Variants in STX8 observed in about 807,000 individuals in gnomAD.
The protein encoded by STX8 is syntaxin-8.
STX8 carries 23 observed loss-of-function variants against 37.5 expected under a neutral mutation model. The observed-to-expected ratio is 0.61, with a 90% CI of 0.44 to 0.87. The LOEUF (loss-of-function observed/expected upper bound fraction) is 0.87. Ranked by LOEUF, STX8 falls within the 40% of genes least tolerant of loss-of-function variation. The probability of loss-of-function intolerance (pLI) is 0.00; values close to 1 mark genes in which losing one functional copy is unlikely to be tolerated. For synonymous variants in STX8, 115 were observed against 99.1 expected (o/e 1.16, Z -0.95); for missense variants, 313 against 284.7 (o/e 1.10, Z -0.71).
intron 6 of STX8, among the ~76,000 whole-genome samples, chr17:9,484,988 C>T (rs1050008628): frequency 6.6e-6 from 1 of 152,068 alleles, no homozygotes; most frequent in Non-Finnish European, 1.5e-5. Flanking sequence ...TTGGGAGGGC[C>T]ACTTAAAATT....
At chr17:9,421,306 C>T (rs1409324805) in intron 6 of STX8, among the ~76,000 whole-genome samples, 3 of 148,606 alleles carry the variant, frequency 2.0e-5, no homozygotes, top group Non-Finnish European at 3.0e-5. Context: ...GCAGGAGAAT[C>T]GCTTGAACCC....
chr17:9,560,413 A>AAC (rs1907183292), intron 2 of STX8, among the ~76,000 whole-genome samples: 4 of 151,742 alleles, frequency 2.6e-5, no homozygotes, highest in Admixed American at 2.6e-4. Context: ...AAAAAAAAAA[A>AAC]AACGGTAGAA....
intron 4 of STX8, among the ~76,000 whole-genome samples, chr17:9,516,108 AC>A (rs1445614750): frequency 1.3e-5 from 2 of 151,780 alleles, no homozygotes; most frequent in Admixed American, 6.6e-5. Flanking sequence ...TGCATTAGTA[AC>A]CAGCTATGAC....
chr17:9,342,167 G>T (rs928693162), intron 7 of STX8, among the ~76,000 whole-genome samples: 1 of 152,120 alleles, frequency 6.6e-6, no homozygotes, highest in Non-Finnish European at 1.5e-5. Flanking sequence ...TCACAATAGG[G>T]TTTGCGCTCC....
intron 6 of STX8, among the ~76,000 whole-genome samples, chr17:9,414,043 TGCCCGTCCGTCTGTCCATCCATCCATCC>T: frequency 8.6e-6 from 1 of 116,184 alleles, no homozygotes; most frequent in South Asian, 2.8e-4. Context: ...ACCATCTATC[TGCCCGTCCGTCTGTCCATCCATCCATCC>T]ACCCATCTGT....
At chr17:9,480,099 G>A (rs959414054) in intron 6 of STX8, among the ~76,000 whole-genome samples, 2 of 151,936 alleles carry the variant, frequency 1.3e-5, no homozygotes, top group Non-Finnish European at 2.9e-5. Context: ...TTTCACATTC[G>A]AATAGGTCCC....
chr17:9,297,221 T>C (rs954148641), intron 7 of STX8, among the ~76,000 whole-genome samples: 17 of 136,444 alleles, frequency 1.2e-4, no homozygotes, highest in Non-Finnish European at 2.3e-4. Context: ...TACAGTCTGA[T>C]AGCATATGCC....
At chr17:9,272,710 T>C (rs1907513468) in intron 7 of STX8, among the ~76,000 whole-genome samples, 1 of 152,258 alleles carries the variant, frequency 6.6e-6, no homozygotes, top group South Asian at 2.1e-4. Flanking sequence ...TAGTTCCTTA[T>C]GGTCCTTACA....
intron 7 of STX8, among the ~76,000 whole-genome samples, chr17:9,278,586 T>A (rs1406732391): frequency 6.6e-6 from 1 of 152,222 alleles, no homozygotes; most frequent in Non-Finnish European, 1.5e-5. Flanking sequence ...TGCTATTTAT[T>A]GAGACAGAAA....
At chr17:9,441,486 T>TAA (rs71135985) in intron 6 of STX8, among the ~76,000 whole-genome samples, 9 of 132,042 alleles carry the variant, frequency 6.8e-5, no homozygotes, top group African/African-American at 2.3e-4. Context: ...AGACTCCATC[T>TAA]AAAAAAAAAA....
At chr17:9,465,389 G>A (rs2142427936) in intron 6 of STX8, among the ~76,000 whole-genome samples, 1 of 152,274 alleles carries the variant, frequency 6.6e-6, no homozygotes, top group East Asian at 1.9e-4. Flanking sequence ...TGCCTGTGCA[G>A]CTCACAAACA....
chr17:9,343,663 G>C (rs1208557715), intron 7 of STX8, among the ~76,000 whole-genome samples: 3 of 152,134 alleles, frequency 2.0e-5, no homozygotes, highest in Non-Finnish European at 2.9e-5. Flanking sequence ...GATGGGGAAA[G>C]TGAAGAGCAG....
chr17:9,571,140 C>A (rs1219084676), intron 1 of STX8, among the ~76,000 whole-genome samples: 2 of 152,144 alleles, frequency 1.3e-5, no homozygotes, highest in African/African-American at 4.8e-5. Context: ...CAGAGAGTGG[C>A]CCTAAAGAGG....
intron 6 of STX8, among the ~76,000 whole-genome samples, chr17:9,447,399 T>C (rs1904887489): frequency 6.6e-6 from 1 of 152,146 alleles, no homozygotes; most frequent in Non-Finnish European, 1.5e-5. Context: ...GATAAAATCT[T>C]AGGAAGATTT....
At chr17:9,462,209 G>T (rs1905417836) in intron 6 of STX8, among the ~76,000 whole-genome samples, 1 of 152,098 alleles carries the variant, frequency 6.6e-6, no homozygotes, top group African/African-American at 2.4e-5. Context: ...GCACAAATAA[G>T]TCTCTCACTA....
chr17:9,377,903 C>A (rs1161027418), intron 7 of STX8: 1 of 152,334 alleles, frequency 6.6e-6, no homozygotes, highest in Non-Finnish European at 1.5e-5. Flanking sequence ...AGGCACTGTG[C>A]ACCGGCAATA....
At chr17:9,413,793 GC>G (rs777781908) in intron 6 of STX8, among the ~76,000 whole-genome samples, 3 of 152,172 alleles carry the variant, frequency 2.0e-5, no homozygotes, top group Non-Finnish European at 4.4e-5. Flanking sequence ...CAGATGGAGG[GC>G]TGTGCTCGTG....
At chr17:9,345,320 T>C (rs1243917693) in intron 7 of STX8, among the ~76,000 whole-genome samples, 3 of 152,126 alleles carry the variant, frequency 2.0e-5, no homozygotes, top group Admixed American at 2.0e-4. Flanking sequence ...CGGCTAATTT[T>C]TGTATTTTTA....
At chr17:9,401,903 C>T (rs1287818831) in intron 6 of STX8, among the ~76,000 whole-genome samples, 1 of 152,112 alleles carries the variant, frequency 6.6e-6, no homozygotes, top group Non-Finnish European at 1.5e-5. Context: ...CTACCATTTT[C>T]CACCTAGTCT....
Sources: gnomAD v4.1 joint callset for allele counts (sites outside exome capture counted in the v4.1 genomes callset) on GRCh38, gnomAD v4.1.1 for gene constraint, MANE v1.5 for transcripts, NCBI Gene and HGNC (gene_info 2026-07-23, HGNC 2026-07-21) for gene names.